The following TCIRG1 variants were observed in gnomAD, a reference collection of about 807,000 sequenced individuals.
TCIRG1 encodes T cell immune regulator 1, ATPase H+ transporting V0 subunit a3.
Under a neutral mutation model 95.5 loss-of-function variants are expected in TCIRG1, and 86 were observed. That is an observed-to-expected ratio of 0.90 (90% CI 0.76 to 1.08). The LOEUF (loss-of-function observed/expected upper bound fraction) is 1.08. Ranked by LOEUF, TCIRG1 falls within the 50% of genes least tolerant of loss-of-function variation. The pLI is 0.00. For synonymous variants in TCIRG1, 499 were observed against 501.3 expected, an observed-to-expected ratio of 1.00 and a Z score of 0.06; for missense variants, 1,069 against 1,140.2, an observed-to-expected ratio of 0.94 and a Z score of 0.90.
At chr11:68,046,865 T>A (rs886401472) in intron 10 of TCIRG1, 1 of 456,294 alleles carries the variant, frequency 2.2e-6, no homozygotes, top group Non-Finnish European at 4.4e-6. Flanking sequence ...TAACTTCCTG[T>A]GGCTCCAGCA....
intron 3 of TCIRG1, among the ~76,000 whole-genome samples, chr11:68,042,369 C>T (rs774479663): frequency 3.3e-5 from 5 of 152,204 alleles, no homozygotes; most frequent in Non-Finnish European, 4.4e-5. Context: ...ACGCCAGCTC[C>T]GGTCCCAAGC....
intron 18 of TCIRG1, 94 bp downstream of exon 18, chr11:68,050,348 T>C (rs1020327198): frequency 1.3e-6 from 2 of 1,598,770 alleles, no homozygotes; most frequent in Non-Finnish European, 1.7e-6. Context: ...GGCCTCAGTT[T>C]CCCCTCTGTA....
chr11:68,041,668 TG>T, intron 2 of TCIRG1, 84 bp from the exon 3 acceptor site: 2 of 1,182,890 alleles, frequency 1.7e-6, no homozygotes, highest in Non-Finnish European at 2.5e-6. Context: ...AGCTAAGGCC[TG>T]GGGAGAGTCA....
chr11:68,047,253 C>A (rs1286012976), intron 10 of TCIRG1, among the ~76,000 whole-genome samples, 180 bp from the exon 11 acceptor site: 3 of 6,896 alleles, frequency 4.4e-4, no homozygotes, highest in Non-Finnish European at 3.9e-4. Context: ...TCGGGTGATG[C>A]CCCCCCCCCC....
Position 68,042,859 on chromosome 11 carries a change from C to T in TCIRG1, c.413C>T (p.Pro138Leu), listed in dbSNP as rs1590802849. 1.3e-6 allele frequency: 2 copies of T among 1,549,680 alleles called. No individual in the cohort carries two copies. The highest frequency in any genetic ancestry group is 2.4e-5 in the East Asian group (1 of 40,886). ...GCCGTGCTACGCCAGGGCCATGAACCTCAGGTCAGCTCCCACCCAGGCAGG... is the reference window on the plus strand; with the variant it reads ...GCCGTGCTACGCCAGGGCCATGAACTTCAGGTCAGCTCCCACCCAGGCAGG... Reference protein sequence around the residue: ...HAAVLRQGHEPQLAAAHTDGA... With the variant: ...HAAVLRQGHELQLAAAHTDGA... The change falls in exon 4 of 20, where the codon CCT becomes CTT. Residue 138 changes from proline to leucine, a missense_variant. Physicochemically the swap from Pro to Leu is moderately conservative, Grantham distance 98. Transcript: ENST00000265686.
At position 68,050,836 on chromosome 11, in the gene TCIRG1, T is replaced by C. The variant is rs1255286748; in HGVS notation, c.*17T>C. 2 of 1,611,862 alleles carry C rather than the reference T, an allele frequency of 1.2e-6. No individual in the cohort carries two copies. The highest frequency in any genetic ancestry group is 8.5e-7 in the Non-Finnish European group (1 of 1,179,718). On this transcript the variant is annotated 3_prime_UTR_variant, in exon 20 of 20. Transcript: ENST00000265686. ...GATGACTAGGGCCCACTGCAGGTCC[T>C]GCCAGACCTCCTTCCTGACCTCTGA...
intron 10 of TCIRG1, among the ~76,000 whole-genome samples, chr11:68,045,359 G>A (rs1482168244): frequency 1.3e-5 from 2 of 152,230 alleles, no homozygotes; most frequent in Non-Finnish European, 2.9e-5. Flanking sequence ...GAGGCTGTGC[G>A]GTGGGCATGG....
In TCIRG1 at chr11:68,041,398, G is replaced by T. The variant is rs1364201205; in HGVS notation, c.117+10G>T. ...CGTGGAGTTCAGAGACGTGAGTTGG[G>T]TGGGCAGGCGTGGGAAGGGGGCTAC... is the stretch of plus-strand genomic sequence containing the variant. On this transcript the variant is annotated intron_variant, in intron 2 of 19. Coordinates refer to ENST00000265686, the MANE Select transcript of TCIRG1 (RefSeq NM_006019.4). The T allele has an allele frequency of 6.3e-7, 1 of 1,579,178 alleles. No homozygotes were observed. The highest frequency in any genetic ancestry group is 1.7e-5 in the Admixed American group (1 of 59,922).
chr11:68,045,689 G>C (rs1855444401), intron 10 of TCIRG1, among the ~76,000 whole-genome samples: 1 of 152,134 alleles, frequency 6.6e-6, no homozygotes, highest in Admixed American at 6.5e-5. Flanking sequence ...AAGTAGCTGG[G>C]ATTACAGGCA....
intron 3 of TCIRG1, among the ~76,000 whole-genome samples, chr11:68,042,401 T>C (rs911028466): frequency 6.6e-6 from 1 of 152,110 alleles, no homozygotes; most frequent in African/African-American, 2.4e-5. Flanking sequence ...AGGGCCGGCC[T>C]GTGGGGAGAC....
Position 68,042,721 on chromosome 11 carries a change from G to A in TCIRG1, c.275G>A (p.Arg92Gln), listed in dbSNP as rs773563515. Reference sequence around the variant, plus strand: ...GGGAGGCTGCCGGCACCCCCACCCCGGGACCTGCTGCGCATCCAGGAGGAG... The same window carrying A: ...GGGAGGCTGCCGGCACCCCCACCCCAGGACCTGCTGCGCATCCAGGAGGAG... The part of the protein sequence containing the change: ...PKGRLPAPPP[R>Q]DLLRIQEETE... Residue 92 changes from arginine (R) to glutamine (Q), a missense_variant, in exon 4 of 20, where the codon CGG (arginine) becomes CAG (glutamine). Physicochemically the swap from Arg to Gln is conservative, Grantham distance 43. Coordinates refer to ENST00000265686, the MANE Select transcript of TCIRG1 (RefSeq NM_006019.4). 1.3e-5 allele frequency: 20 copies of A among 1,546,342 alleles called. No individual in the cohort carries two copies. Among genetic ancestry groups the A allele is most frequent in the African/African-American group, 2.7e-5 (2 of 72,916 alleles).
chr11:68,043,687 G>T (rs1357297530), intron 7 of TCIRG1, 34 bp downstream of exon 7: 1 of 1,570,892 alleles, frequency 6.4e-7, no homozygotes, highest in South Asian at 1.2e-5. Context: ...CCACCGCCCT[G>T]CTCCCCAGGC....
downstream of TCIRG1, chr11:68,052,059 TGGACATAGGG>T (rs1352569412): frequency 6.6e-6 from 1 of 152,450 alleles, no homozygotes; most frequent in Non-Finnish European, 1.5e-5. Context: ...CTCTGGGGCA[TGGACATAGGG>T]AGACATAGGG....
chr11:68,050,510 A>G lies in TCIRG1; in HGVS notation c.2260A>G (p.Met754Val). The G allele has an allele frequency of 2.5e-6, 4 of 1,613,590 alleles. No individual in the cohort carries two copies. The highest frequency in any genetic ancestry group is 3.4e-6 in the Non-Finnish European group (4 of 1,179,998). Reference protein sequence around the residue: ...HAQLSEVLWAMVMRIGLGLGR... With the variant: ...HAQLSEVLWAVVMRIGLGLGR... ...AGAGCTGTCCGAGGTTCTGTGGGCC[A>G]TGGTGATGCGCATAGGCCTGGGCCT... Residue 754 changes from methionine to valine, a missense_variant, in exon 19 of 20, where the codon ATG (methionine) becomes GTG (valine). Transcript: ENST00000265686.
downstream of TCIRG1, chr11:68,052,979 G>A (rs1316968904): frequency 6.6e-6 from 1 of 152,570 alleles, no homozygotes; most frequent in Non-Finnish European, 1.5e-5. Context: ...GTATCCCGCA[G>A]GACATTTCAT....
At chr11:68,051,279 C>A (rs1208304351), downstream of TCIRG1, among the ~76,000 whole-genome samples, 2 of 152,282 alleles carry the variant, frequency 1.3e-5, no homozygotes, top group Admixed American at 1.3e-4. Flanking sequence ...GTGCTCCATG[C>A]AGGGCCATGG....
At chr11:68,052,157 T>C (rs1264081961), downstream of TCIRG1, 2 of 152,200 alleles carry the variant, frequency 1.3e-5, no homozygotes, top group Admixed American at 1.3e-4. Flanking sequence ...CGTGAGCTTA[T>C]GGCCTGATGT....
chr11:68,047,025 T>TTTC (rs1554997252), intron 10 of TCIRG1: 2 of 412,864 alleles, frequency 4.8e-6, no homozygotes, highest in African/African-American at 4.5e-5. Flanking sequence ...TTTTTTTTTT[T>TTTC]CGGAGACAGA....
chr11:68,046,053 C>T (rs1404824241), intron 10 of TCIRG1, among the ~76,000 whole-genome samples: 2 of 152,234 alleles, frequency 1.3e-5, no homozygotes, highest in African/African-American at 2.4e-5. Context: ...GCAGCTAGAG[C>T]ATCACCTGGA....
Sources: allele counts gnomAD v4.1 joint callset (sites outside exome capture counted in the v4.1 genomes callset), GRCh38; gene constraint gnomAD v4.1.1; transcripts MANE v1.5; gene names NCBI Gene and HGNC (gene_info 2026-07-23, HGNC 2026-07-21).